Variants in CAPS2 observed in about 807,000 individuals in gnomAD.
CAPS2 encodes calcyphosin-2.
A neutral mutation model predicts 86.5 loss-of-function variants in CAPS2; 98 were observed. The ratio of observed to expected loss-of-function variants is 1.13; its 90% CI spans 0.96 to 1.34. The LOEUF is 1.34. Among genes scored for constraint, CAPS2 ranks in the 40% most tolerant of loss-of-function variants. The probability of loss-of-function intolerance (pLI) is 0.00; values close to 1 mark genes in which losing one functional copy is unlikely to be tolerated. For missense variants in CAPS2, 729 were observed against 686.8 expected, an observed-to-expected ratio of 1.06 and a Z score of -0.69; for synonymous variants, 210 against 225.1, an observed-to-expected ratio of 0.93 and a Z score of 0.60.
chr12:75,333,257 C>CAT (rs1405542212), upstream of CAPS2, among the ~76,000 whole-genome samples: 1 of 40,426 alleles, frequency 2.5e-5, no homozygotes, highest in African/African-American at 8.5e-5. Context: ...CAGACACACA[C>CAT]ACATATATGT....
At position 75,359,752 on chromosome 12, in the gene CAPS2, T is replaced by C. The variant is rs566304268; in HGVS notation, c.-395+31086A>G. The C allele has an allele frequency of 2.0e-5, 3 of 152,240 alleles. No homozygotes were observed. The South Asian group carries it at 6.2e-4, about 32-fold the overall frequency. The allele number at this position is 152,240 out of a possible 1,614,324, so 9.4% of individuals were successfully genotyped here. ...GGTATTTCAGTGGAAAAAAAATTAA[T>C]AAATCATACTGGAACAATTAGTTAT... is the stretch of plus-strand genomic sequence containing the variant. On this transcript the variant is annotated intron_variant, in intron 1 of 5. Transcript: ENST00000551829.
intron 4 of CAPS2, among the ~76,000 whole-genome samples, chr12:75,322,002 A>G (rs1046579986): frequency 5.3e-5 from 8 of 152,126 alleles, no homozygotes; most frequent in African/African-American, 1.9e-4. Context: ...CTAGAATATC[A>G]ATATATTCTA....
Position 75,291,733 on chromosome 12 carries a change from A to G in CAPS2, c.1240+11T>C, listed in dbSNP as rs369056810. On this transcript the variant is annotated intron_variant, in intron 13 of 16. Transcript: ENST00000393284. Reference sequence around the variant, plus strand: ...ATTCAAAGTACTTGAGAGTACAGTAATAACACATACCTTGAATTGCTTTGA... The same window carrying G: ...ATTCAAAGTACTTGAGAGTACAGTAGTAACACATACCTTGAATTGCTTTGA... 5 of 1,493,712 alleles carry G rather than the reference A, an allele frequency of 3.3e-6. No individual in the cohort carries two copies. The East Asian group carries it at 7.1e-5, about 21-fold the overall frequency. The allele number at this position is 1,493,712 out of a possible 1,614,324, so 92.5% of individuals were successfully genotyped here. A position where few individuals can be genotyped will look rare whatever the true frequency, so the allele number is the denominator to read the frequency against.
intron 1 of CAPS2, among the ~76,000 whole-genome samples, chr12:75,381,697 C>G (rs190509478): frequency 1.9e-3 from 288 of 150,756 alleles, no homozygotes; most frequent in East Asian, 5.7e-3. Flanking sequence ...CCGCTGCAAC[C>G]TCCGCCTCCC....
chr12:75,325,787 G>A (rs192972080), intron 1 of CAPS2, among the ~76,000 whole-genome samples: 3 of 152,124 alleles, frequency 2.0e-5, no homozygotes, highest in African/African-American at 7.2e-5. Flanking sequence ...CATTTGGAAA[G>A]GGGTAAAATC....
intron 1 of CAPS2, among the ~76,000 whole-genome samples, chr12:75,386,679 T>C (rs2045310116): frequency 6.6e-6 from 1 of 151,974 alleles, no homozygotes; most frequent in African/African-American, 2.4e-5. Flanking sequence ...AAAAATACAA[T>C]AATTTAAAAG....
chr12:75,329,459 A>G (rs1232230650), upstream of CAPS2, among the ~76,000 whole-genome samples: 1 of 141,396 alleles, frequency 7.1e-6, no homozygotes, highest in Non-Finnish European at 1.5e-5. Flanking sequence ...TACCAAAAAT[A>G]ACTGAACACA....
intron 4 of CAPS2, among the ~76,000 whole-genome samples, chr12:75,322,115 T>G (rs1233205684): frequency 6.6e-6 from 1 of 152,042 alleles, no homozygotes; most frequent in African/African-American, 2.4e-5. Flanking sequence ...GAAATAAAAG[T>G]TTTACTTAAA....
intron 1 of CAPS2, among the ~76,000 whole-genome samples, chr12:75,376,433 A>G (rs533142752): frequency 3.7e-4 from 56 of 152,280 alleles, no homozygotes; most frequent in African/African-American, 1.3e-3. Context: ...CCTTACCTCT[A>G]GGGGCCTGCT....
At chr12:75,291,934 G>A (rs1475755552) in intron 12 of CAPS2, 114 bp from the exon 13 acceptor site, 4 of 392,300 alleles carry the variant, frequency 1.0e-5, no homozygotes, top group East Asian at 7.8e-5. Flanking sequence ...CTCAAACTTG[G>A]AAGAGTGCTT....
intron 1 of CAPS2, among the ~76,000 whole-genome samples, chr12:75,343,224 G>T (rs2042233464): frequency 6.6e-6 from 1 of 151,964 alleles, no homozygotes; most frequent in Non-Finnish European, 1.5e-5. Flanking sequence ...TTGAGGGAAA[G>T]TTTTAGTATT....
At chr12:75,291,025 T>C (rs941323617) in intron 13 of CAPS2, among the ~76,000 whole-genome samples, 5 of 152,164 alleles carry the variant, frequency 3.3e-5, no homozygotes, top group Non-Finnish European at 7.3e-5. Context: ...ACAGAGTAAC[T>C]GTCTAATCGA....
intron 16 of CAPS2, among the ~76,000 whole-genome samples, chr12:75,279,299 C>T (rs1428936793): frequency 6.6e-6 from 1 of 151,880 alleles, no homozygotes; most frequent in Non-Finnish European, 1.5e-5. Flanking sequence ...GATCCCAGCA[C>T]AGAACACAGT....
chr12:75,334,525 T>G, upstream of CAPS2: 1 of 1,389,804 alleles, frequency 7.2e-7, no homozygotes, highest in Non-Finnish European at 9.3e-7. Context: ...CCCCTGTAGC[T>G]CAGAGCTTTG....
At chr12:75,319,447 C>G (rs1402840211) in intron 5 of CAPS2, among the ~76,000 whole-genome samples, 1 of 152,128 alleles carries the variant, frequency 6.6e-6, no homozygotes, top group African/African-American at 2.4e-5. Context: ...TCTGCACATG[C>G]TGGCTTCCCT....
intron 7 of CAPS2, among the ~76,000 whole-genome samples, chr12:75,311,802 G>A (rs565854226): frequency 6.9e-5 from 10 of 144,688 alleles, no homozygotes; most frequent in Admixed American, 2.1e-4. Context: ...TCAAGTAAAC[G>A]AGAACTGAGA....
intron 1 of CAPS2, among the ~76,000 whole-genome samples, chr12:75,371,634 CG>C (rs2139717335): frequency 6.6e-6 from 1 of 152,168 alleles, no homozygotes; most frequent in African/African-American, 2.4e-5. Context: ...TTTGTACAAC[CG>C]GAAGTGCTCT....
At chr12:75,310,033 C>G (rs895655806) in intron 7 of CAPS2, among the ~76,000 whole-genome samples, 2 of 152,160 alleles carry the variant, frequency 1.3e-5, no homozygotes, top group African/African-American at 4.8e-5. Context: ...GTCCTCTTTT[C>G]CAGTTCATTC....
chr12:75,316,772 A>T (rs1437152109), intron 5 of CAPS2, among the ~76,000 whole-genome samples: 1 of 152,122 alleles, frequency 6.6e-6, no homozygotes. Context: ...CAGCTATTAT[A>T]ATTATTATTG....
Sources: allele counts gnomAD v4.1 joint callset (sites outside exome capture counted in the v4.1 genomes callset), GRCh38; gene constraint gnomAD v4.1.1; transcripts MANE v1.5; gene names NCBI Gene and HGNC (gene_info 2026-07-23, HGNC 2026-07-21).